The following SRPX variants were observed in gnomAD, a reference collection of about 807,000 sequenced individuals.
SRPX encodes sushi repeat-containing protein SRPX.
A neutral mutation model predicts 38.1 loss-of-function variants in SRPX; 24 were observed. That is an observed-to-expected ratio of 0.63 (90% CI 0.46 to 0.89). The LOEUF (loss-of-function observed/expected upper bound fraction) is 0.89, where lower values mean the gene tolerates loss of function less well. Ranked by LOEUF, SRPX falls within the 40% of genes least tolerant of loss-of-function variation. The probability of loss-of-function intolerance (pLI) is 0.00; values close to 1 mark genes in which losing one functional copy is unlikely to be tolerated. For synonymous variants in SRPX, 184 were observed against 153.8 expected (o/e 1.20, Z -1.45); for missense variants, 416 against 377.8 (o/e 1.10, Z -0.84).
chrX:38,168,073 CAGCTGA>C (rs1204533131), intron 4 of SRPX, among the ~76,000 whole-genome samples: 1 of 112,111 alleles, frequency 8.9e-6, no homozygotes, highest in Non-Finnish European at 1.9e-5. Flanking sequence ...CACCAGCACC[CAGCTGA>C]AGCTGAACTA....
At chrX:38,218,336 C>T (rs976846018) in intron 1 of SRPX, among the ~76,000 whole-genome samples, 2 of 112,675 alleles carry the variant, frequency 1.8e-5, no homozygotes, top group African/African-American at 3.2e-5. Flanking sequence ...TCTAAATTCT[C>T]ATCTGTTATA....
chrX:38,191,127 A>G (rs1447781358), intron 1 of SRPX, among the ~76,000 whole-genome samples: 1 of 112,007 alleles, frequency 8.9e-6, no homozygotes. Flanking sequence ...TTGGCCCCAC[A>G]AGCATACCTC....
chrX:38,178,341 G>A lies in SRPX; in HGVS notation c.101C>T (p.Ser34Leu), dbSNP rs750860131. Reference protein sequence around the residue: ...RVPPSRSFPGSGDSPLEDDEV... With the variant: ...RVPPSRSFPGLGDSPLEDDEV... ...ATCGTCTTCTAGTGGTGAGTCTCCC[G>A]ATCCTACAATAAAAAAGAACAGAAA... Residue 34 changes from serine (S) to leucine (L), a missense_variant, in exon 2 of 10, where the codon TCG becomes TTG. Physicochemically the swap from Ser to Leu is moderately radical, Grantham distance 145 (BLOSUM62 -2). Coordinates refer to ENST00000378533, the MANE Select transcript of SRPX (RefSeq NM_006307.5). 1.3e-5 allele frequency: 16 copies of A among 1,204,892 alleles called. No individual in the cohort carries two copies. The highest frequency in any genetic ancestry group is 4.4e-5 in the Admixed American group (2 of 45,570).
At chrX:38,164,385 C>T (rs765826594) in intron 5 of SRPX, among the ~76,000 whole-genome samples, 112 of 111,752 alleles carry the variant, frequency 1.0e-3, no homozygotes, top group African/African-American at 2.1e-3. Context: ...TCAAGTGATC[C>T]GCCTGCCTCG....
intron 1 of SRPX, among the ~76,000 whole-genome samples, chrX:38,198,170 G>C (rs767040248): frequency 8.9e-6 from 1 of 112,258 alleles, no homozygotes; most frequent in African/African-American, 3.2e-5. Context: ...GACGAAATAA[G>C]ACTCTAAAGG....
intron 1 of SRPX, among the ~76,000 whole-genome samples, chrX:38,182,191 C>T (rs1938685418): frequency 8.9e-6 from 1 of 111,961 alleles, no homozygotes; most frequent in Non-Finnish European, 1.9e-5. Context: ...TTTACTTGTC[C>T]AAGGTTATGC....
rs760036263 is a variant in SRPX at position 38,164,804 on chromosome X, G to C, written c.618C>G (p.Pro206=). The C allele has an allele frequency of 8.3e-7, 1 of 1,210,184 alleles. No individual in the cohort carries two copies. Among genetic ancestry groups the C allele is most frequent in the Admixed American group, 2.2e-5 (1 of 45,968 alleles). ...TTCCATCTGCTGTGTCTCTTCCTTC[G>C]GGTGTCTCCCAGGACACCCGGACTG... is the stretch of plus-strand genomic sequence containing the variant. The part of the protein sequence containing the change: ...KLTVRVSWET[P]EGRDTADGIL... The change falls in exon 5 of 10, where the codon CCC becomes CCG. Residue 206 remains proline (P), a synonymous_variant. Coordinates refer to ENST00000378533, the MANE Select transcript of SRPX (RefSeq NM_006307.5).
intron 4 of SRPX, among the ~76,000 whole-genome samples, chrX:38,168,464 C>T (rs766167290): frequency 8.9e-6 from 1 of 112,413 alleles, no homozygotes; most frequent in Admixed American, 9.4e-5. Flanking sequence ...ACCATTACCA[C>T]ATACAGCAGA....
In SRPX at chrX:38,157,005, C is replaced by T; in HGVS notation, c.980G>A (p.Arg327Lys). 1.7e-6 allele frequency: 2 copies of T among 1,211,642 alleles called. No homozygotes were observed. The highest frequency in any genetic ancestry group is 2.2e-6 in the Non-Finnish European group (2 of 895,443). ...CAAMNVNVGVRTAAALLDQFY... is the reference protein window; with the variant it reads ...CAAMNVNVGVKTAAALLDQFY... ...CTGATCCAGAAGTGCAGCTGCCGTT[C>T]TGACACCCACATTGACGTTCATGGC... is the stretch of plus-strand genomic sequence containing the variant. Residue 327 changes from arginine (R) to lysine (K), a missense_variant, in exon 8 of 10, where the codon AGA (arginine) becomes AAA (lysine). Transcript: ENST00000378533.
rs998023092 is a variant in SRPX, at chrX:38,209,626, G to C, written c.97+11070C>G. Among the ~76,000 whole-genome samples, 5 of 112,205 alleles carry C rather than the reference G, an allele frequency of 4.5e-5. No homozygotes were observed. In the East Asian group the frequency reaches 1.1e-3, roughly 25 times the overall value. ...ACTCAAATGAAAGCCATTTGGACTT[G>C]GCTGGCCTGAAAAGATGAGTTTGGA... On this transcript the variant is annotated intron_variant, in intron 1 of 9. Transcript: ENST00000378533.
intron 1 of SRPX, among the ~76,000 whole-genome samples, chrX:38,216,693 G>A (rs938568292): frequency 2.7e-5 from 3 of 112,480 alleles, no homozygotes; most frequent in African/African-American, 9.7e-5. Flanking sequence ...CTATGTTATA[G>A]CCTGGCAAAA....
At chrX:38,181,232 A>G (rs1158260068) in intron 1 of SRPX, among the ~76,000 whole-genome samples, 1 of 112,272 alleles carries the variant, frequency 8.9e-6, no homozygotes, top group African/African-American at 3.2e-5. Context: ...CAGGGCATAG[A>G]GGGAAAACAG....
chrX:38,191,574 T>C (rs1026674861), intron 1 of SRPX, among the ~76,000 whole-genome samples: 11 of 111,345 alleles, frequency 9.9e-5, no homozygotes, highest in Admixed American at 1.9e-4. Context: ...ACATATACCA[T>C]ATTTTATTGA....
chrX:38,182,769 T>G (rs746512325), intron 1 of SRPX, among the ~76,000 whole-genome samples: 2 of 111,786 alleles, frequency 1.8e-5, no homozygotes, highest in African/African-American at 6.5e-5. Flanking sequence ...GATAAACGTC[T>G]GAAGCTGGAG....
Position 38,153,311 on chromosome X carries a change from T to A in SRPX, c.1211+1151A>T, listed in dbSNP as rs1196576624. 3.5e-3 allele frequency among the ~76,000 whole-genome samples: 340 copies of A among 97,243 alleles called. 3 individuals carry two copies. Among genetic ancestry groups the A allele is most frequent in the African/African-American group, 0.012 (321 of 26,713 alleles). The allele number at this position is 97,243 out of a possible 115,157, so 84.4% of individuals were successfully genotyped here. ...CTTTCTTTCTTTCTTTCTTTTTTTT[T>A]TTTTTTTTTTTTTTTTACCTTGGTA... On this transcript the variant is annotated intron_variant, in intron 9 of 9. Coordinates refer to ENST00000378533, the MANE Select transcript of SRPX (RefSeq NM_006307.5).
rs188849933 is a variant in SRPX at position 38,160,945 on chromosome X, C to T, written c.763G>A (p.Val255Ile). 8 of 1,207,480 alleles carry T rather than the reference C, an allele frequency of 6.6e-6. No homozygotes were observed. Among genetic ancestry groups the T allele is most frequent in the African/African-American group, 3.5e-5 (2 of 57,114 alleles). The change falls in exon 6 of 10, where the codon GTT (valine) becomes ATT (isoleucine). Residue 255 changes from valine (V) to isoleucine (I), a missense_variant. By Grantham distance (29) the Val-to-Ile change is conservative. Coordinates refer to ENST00000378533, the MANE Select transcript of SRPX (RefSeq NM_006307.5). ...GCAGTACTCTTACCTCTTACTTTAACTCGAAATTTGCAAGTGCCCTTATTC... is the reference window on the plus strand; with the variant it reads ...GCAGTACTCTTACCTCTTACTTTAATTCGAAATTTGCAAGTGCCCTTATTC... ...AENKGTCKFR[V>I]KVRVKRCGKL...
At chrX:38,187,274 A>G (rs1165570310) in intron 1 of SRPX, among the ~76,000 whole-genome samples, 1 of 112,353 alleles carries the variant, frequency 8.9e-6, no homozygotes, top group Non-Finnish European at 1.9e-5. Flanking sequence ...AGCATGAAAC[A>G]TGGTCAAGAA....
intron 4 of SRPX, among the ~76,000 whole-genome samples, chrX:38,166,012 A>AT (rs1473522014): frequency 8.9e-6 from 1 of 112,530 alleles, no homozygotes; most frequent in African/African-American, 3.2e-5. Context: ...GGAAGTTCAC[A>AT]TTTCTGCAAA....
intron 7 of SRPX, 57 bp from the exon 8 acceptor site, chrX:38,157,086 G>A: frequency 8.5e-7 from 1 of 1,170,342 alleles, no homozygotes; most frequent in Non-Finnish European, 1.2e-6. Context: ...TGGCTCAACA[G>A]AGCCTATGAT....
Sources: gnomAD v4.1 joint callset for allele counts (sites outside exome capture counted in the v4.1 genomes callset) on GRCh38, gnomAD v4.1.1 for gene constraint, MANE v1.5 for transcripts, NCBI Gene and HGNC (gene_info 2026-07-23, HGNC 2026-07-21) for gene names.